Variants in TRPC4AP observed in about 807,000 individuals in gnomAD.
TRPC4AP encodes short transient receptor potential channel 4-associated protein.
Under a neutral mutation model 99.0 loss-of-function variants are expected in TRPC4AP, and 45 were observed. The ratio of observed to expected loss-of-function variants is 0.45; its 90% CI spans 0.36 to 0.58. The LOEUF is 0.58. TRPC4AP is among the 20% of genes least tolerant of loss of function. TRPC4AP has a pLI of 0.00. For synonymous variants in TRPC4AP, 408 were observed against 385.8 expected (o/e 1.06, Z -0.67); for missense variants, 879 against 985.3 (o/e 0.89, Z 1.44).
At chr20:35,046,807 T>C (rs2083570764) in intron 6 of TRPC4AP, among the ~76,000 whole-genome samples, 1 of 152,188 alleles carries the variant, frequency 6.6e-6, no homozygotes, top group South Asian at 2.1e-4. Context: ...CAGTATATGG[T>C]TCCCAAAACA....
rs146419473 is a variant in TRPC4AP, at chr20:35,002,511, G to A, written c.*635C>T. On this transcript the variant is annotated 3_prime_UTR_variant, in exon 19 of 19. Transcript: ENST00000252015. ...CCCATGTCCAGGCTCAGGCAGGAGC[G>A]GCTGCCTCAGGCAGAGGCAGGGCAG... 106 of 260,838 alleles carry A rather than the reference G, an allele frequency of 4.1e-4. No homozygotes were observed. The highest frequency in any genetic ancestry group is 5.3e-4 in the Non-Finnish European group (74 of 139,124). 16.2% of individuals were successfully genotyped at this position (260,838 alleles called of 1,614,324 possible).
chr20:35,036,824 T>C (rs1198197189), intron 7 of TRPC4AP, among the ~76,000 whole-genome samples: 1 of 152,104 alleles, frequency 6.6e-6, no homozygotes, highest in South Asian at 2.1e-4. Context: ...CGTGCGCCTG[T>C]AGTCCCAGCT....
chr20:35,059,965 C>A (rs917823605), intron 3 of TRPC4AP, among the ~76,000 whole-genome samples: 2 of 151,920 alleles, frequency 1.3e-5, no homozygotes, highest in Admixed American at 6.6e-5. Flanking sequence ...AACATCTGAA[C>A]AGCCCTATAA....
intron 4 of TRPC4AP, among the ~76,000 whole-genome samples, chr20:35,056,981 GT>G (rs1715061540): frequency 9.2e-5 from 1 of 10,912 alleles, no homozygotes; most frequent in African/African-American, 5.0e-4. Context: ...GCGAGAGACT[GT>G]CTCAAAAAAA....
intron 1 of TRPC4AP, among the ~76,000 whole-genome samples, chr20:35,080,548 A>C (rs969874760): frequency 1.7e-4 from 26 of 150,754 alleles, no homozygotes; most frequent in Non-Finnish European, 1.5e-4. Flanking sequence ...AAAAAAAAAA[A>C]AAAAAAAACC....
intron 13 of TRPC4AP, 139 bp downstream of exon 13, chr20:35,008,525 G>A (rs375942169): frequency 4.1e-6 from 3 of 732,066 alleles, no homozygotes; most frequent in African/African-American, 3.5e-5. Context: ...CAAGATGGCA[G>A]TCAAACCACC....
chr20:35,049,723 C>T lies in TRPC4AP; in HGVS notation c.657+143G>A, dbSNP rs2083650860. 4 of 923,614 alleles carry T rather than the reference C, an allele frequency of 4.3e-6. No individual in the cohort carries two copies. The South Asian group carries it at 9.3e-5, about 21-fold the overall frequency. The allele number at this position is 923,614 out of a possible 1,614,324, so 57.2% of individuals were successfully genotyped here. ...AAGAACCACTAGTATAAGGGGTAAT[C>T]AAGTTTTATACTTGAATACATCTGA... On this transcript the variant is annotated intron_variant, in intron 6 of 18. Coordinates refer to ENST00000252015, the MANE Select transcript of TRPC4AP (RefSeq NM_015638.3).
At chr20:35,085,288 T>C (rs1434167339) in intron 1 of TRPC4AP, among the ~76,000 whole-genome samples, 2 of 152,178 alleles carry the variant, frequency 1.3e-5, no homozygotes, top group Admixed American at 6.5e-5. Context: ...TATTTATACA[T>C]TGTCTTACAA....
intron 9 of TRPC4AP, among the ~76,000 whole-genome samples, chr20:35,017,453 T>G (rs981222771): frequency 2.6e-5 from 4 of 152,340 alleles, no homozygotes; most frequent in Non-Finnish European, 1.5e-5. Flanking sequence ...GCAGGAATGA[T>G]TTCCCTGTTA....
chr20:35,050,026 T>G, intron 5 of TRPC4AP, 32 bp from the exon 6 acceptor site: 1 of 1,602,880 alleles, frequency 6.2e-7, no homozygotes, highest in Non-Finnish European at 8.5e-7. Context: ...GAATAGGTTG[T>G]AAGTACAAAA....
At chr20:35,004,666 A>C in intron 16 of TRPC4AP, 96 bp from the exon 17 acceptor site, 1 of 1,021,276 alleles carries the variant, frequency 9.8e-7, no homozygotes. Flanking sequence ...CCTGACTCTG[A>C]AGCTAGGAGC....
intron 1 of TRPC4AP, among the ~76,000 whole-genome samples, chr20:35,090,920 A>G (rs138295936): frequency 8.6e-6 from 1 of 116,810 alleles, no homozygotes; most frequent in Non-Finnish European, 1.7e-5. Context: ...TAAAGATAAC[A>G]TATGCCTTGT....
chr20:35,075,282 G>T (rs1408708085), intron 2 of TRPC4AP, among the ~76,000 whole-genome samples: 1 of 152,148 alleles, frequency 6.6e-6, no homozygotes, highest in African/African-American at 2.4e-5. Context: ...TGTTATGTGT[G>T]AATTTGATCC....
At chr20:35,051,403 G>T (rs6142283) in intron 5 of TRPC4AP, among the ~76,000 whole-genome samples, 89,232 of 151,964 alleles carry the variant, frequency 0.59, 27,178 homozygotes, top group Middle Eastern at 0.74. Context: ...AATCACCTGG[G>T]CTCAAGCGAT....
chr20:35,010,097 C>T (rs573179130), intron 12 of TRPC4AP, 90 bp downstream of exon 12: 39 of 1,000,402 alleles, frequency 3.9e-5, no homozygotes, highest in East Asian at 7.3e-5. Flanking sequence ...AGAGGACACG[C>T]GTGCATACCT....
At chr20:35,074,202 G>A (rs2084406113) in intron 2 of TRPC4AP, among the ~76,000 whole-genome samples, 1 of 151,850 alleles carries the variant, frequency 6.6e-6, no homozygotes. Flanking sequence ...CAATTTTGTT[G>A]ATCTTTTCGA....
chr20:35,023,715 G>A (rs1251830418), intron 8 of TRPC4AP, among the ~76,000 whole-genome samples: 1 of 152,252 alleles, frequency 6.6e-6, no homozygotes, highest in Non-Finnish European at 1.5e-5. Context: ...GTGCACTGCT[G>A]TGAGACCTTG....
chr20:35,068,978 CAA>C lies in TRPC4AP; in HGVS notation c.414+316_414+317del, dbSNP rs1555914270. 4.1e-3 allele frequency among the ~76,000 whole-genome samples: 387 copies of C among 95,178 alleles called. 3 individuals are homozygous for C. Among genetic ancestry groups the C allele is most frequent in the South Asian group, 0.011 (41 of 3,568 alleles). 62.4% of individuals were successfully genotyped at this position (95,178 alleles called of 152,430 possible). ...ACACACACACACACACACACACACA[CAA>C]AAAAAACAAAACATCTTAAGCAGGA... On this transcript the variant is annotated intron_variant, in intron 3 of 18. Coordinates refer to ENST00000252015, the MANE Select transcript of TRPC4AP (RefSeq NM_015638.3).
At chr20:35,005,051 G>C (rs1370743835) in intron 16 of TRPC4AP, among the ~76,000 whole-genome samples, 1 of 152,222 alleles carries the variant, frequency 6.6e-6, no homozygotes. Context: ...TAGTGTCGGA[G>C]CAACTGCTTC....
Sources: allele counts gnomAD v4.1 joint callset (sites outside exome capture counted in the v4.1 genomes callset), GRCh38; gene constraint gnomAD v4.1.1; transcripts MANE v1.5; gene names NCBI Gene and HGNC (gene_info 2026-07-23, HGNC 2026-07-21).